ADAM22: variants seen among roughly 807,000 people sequenced by gnomAD.
ADAM22 encodes ADAM metallopeptidase domain 22.
In ADAM22, 65 loss-of-function variants were observed where a neutral mutation model predicts 144.6. That is an observed-to-expected ratio of 0.45 (90% CI 0.37 to 0.55). The LOEUF (loss-of-function observed/expected upper bound fraction) is 0.55. Ranked by LOEUF, ADAM22 falls within the 20% of genes least tolerant of loss-of-function variation. The pLI is 0.00. For synonymous variants in ADAM22, 391 were observed against 412.6 expected, an observed-to-expected ratio of 0.95 and a Z score of 0.63; for missense variants, 974 against 1,184.9, an observed-to-expected ratio of 0.82 and a Z score of 2.61.
intron 4 of ADAM22, among the ~76,000 whole-genome samples, chr7:88,095,801 G>C (rs899606193): frequency 7.2e-5 from 11 of 151,994 alleles, no homozygotes; most frequent in Non-Finnish European, 1.3e-4. Context: ...ATCTTTTCAT[G>C]GTTTTAAAAT....
intron 4 of ADAM22, among the ~76,000 whole-genome samples, chr7:88,092,292 CT>C (rs2129485094): frequency 6.6e-6 from 1 of 152,262 alleles, no homozygotes; most frequent in East Asian, 1.9e-4. Flanking sequence ...CCCCCTACCT[CT>C]TTTACCCTCC....
At chr7:88,137,246 T>C (rs935976238) in intron 14 of ADAM22, among the ~76,000 whole-genome samples, 1 of 152,248 alleles carries the variant, frequency 6.6e-6, no homozygotes, top group Non-Finnish European at 1.5e-5. Flanking sequence ...CCTGTTAATA[T>C]ACAATTCTTG....
intron 2 of ADAM22, among the ~76,000 whole-genome samples, chr7:87,955,656 C>T (rs541440567): frequency 1.3e-5 from 2 of 152,218 alleles, no homozygotes; most frequent in Admixed American, 6.5e-5. Flanking sequence ...CTGCTCTCCT[C>T]AAAGTTGTCA....
chr7:88,050,715 T>A (rs962399411), intron 3 of ADAM22, among the ~76,000 whole-genome samples: 5 of 152,192 alleles, frequency 3.3e-5, no homozygotes, highest in African/African-American at 9.7e-5. Context: ...TGTTTGTTTT[T>A]TTCTTGTAAA....
rs935422718 is a variant in ADAM22 at position 88,156,119 on chromosome 7, T to C, written c.1907+113T>C. On this transcript the variant is annotated intron_variant, in intron 22 of 31. Coordinates refer to ENST00000413139, the MANE Select transcript of ADAM22 (RefSeq NM_001324418.2). ...CATGTTAGTAGGTCGAAATATAATCTAGTCTATAGAGACGATTGAGTAAAT... is the reference window on the plus strand; with the variant it reads ...CATGTTAGTAGGTCGAAATATAATCCAGTCTATAGAGACGATTGAGTAAAT... The C allele has an allele frequency of 4.5e-5, 52 of 1,150,072 alleles. No individual in the cohort carries two copies. In the African/African-American group the frequency reaches 6.4e-4, roughly 14 times the overall value. 71.2% of individuals were successfully genotyped at this position (1,150,072 alleles called of 1,614,324 possible).
At chr7:88,077,945 A>G (rs899090471) in intron 4 of ADAM22, among the ~76,000 whole-genome samples, 3 of 152,326 alleles carry the variant, frequency 2.0e-5, no homozygotes, top group East Asian at 3.9e-4. Flanking sequence ...AAAGACAGCA[A>G]TAACCTCTGC....
intron 5 of ADAM22, among the ~76,000 whole-genome samples, chr7:88,113,154 G>T (rs900173291): frequency 7.9e-6 from 1 of 126,020 alleles, no homozygotes. Context: ...TTGAGACAGG[G>T]TCTCACTCCA....
At chr7:88,133,362 CTAAATAAATAAATAAA>C (rs3085472) in intron 12 of ADAM22, among the ~76,000 whole-genome samples, 1,896 of 142,194 alleles carry the variant, frequency 0.013, 48 homozygotes, top group African/African-American at 0.046. Flanking sequence ...GACCCTGTCT[CTAAATAAATAAATAAA>C]TAAATAAATA....
At chr7:87,976,547 A>G (rs576005676) in intron 2 of ADAM22, among the ~76,000 whole-genome samples, 40 of 152,280 alleles carry the variant, frequency 2.6e-4, no homozygotes, top group African/African-American at 8.9e-4. Flanking sequence ...ATAAATTTCT[A>G]TTTAGGCCAC....
chr7:88,177,685 T>C (rs1367297446), intron 26 of ADAM22, among the ~76,000 whole-genome samples: 1 of 152,000 alleles, frequency 6.6e-6, no homozygotes, highest in Non-Finnish European at 1.5e-5. Flanking sequence ...AATATGAGAG[T>C]ATTCAATCAT....
At chr7:88,044,508 G>A (rs1204005129) in intron 3 of ADAM22, among the ~76,000 whole-genome samples, 22 of 152,228 alleles carry the variant, frequency 1.4e-4, no homozygotes, top group Admixed American at 7.2e-4. Flanking sequence ...GTGCAGTGGC[G>A]CGGTCTCGGC....
In ADAM22 at chr7:87,935,175, G is replaced by T. The variant is rs1178954785; in HGVS notation, c.235G>T (p.Gly79Cys). 1.2e-6 allele frequency: 2 copies of T among 1,606,714 alleles called. No individual in the cohort carries two copies. Among genetic ancestry groups the T allele is most frequent in the South Asian group, 1.1e-5 (1 of 90,382 alleles). The change falls in exon 2 of 32, where the codon GGT (glycine) becomes TGT (cysteine). Residue 79 changes from glycine (G) to cysteine (C), a missense_variant. Coordinates refer to ENST00000413139, the MANE Select transcript of ADAM22 (RefSeq NM_001324418.2). ...CGACACGCGGGTGCGGGGCGACCTCGGTGGCCCGCAGGTGAGAGGCTCGGT... is the reference window on the plus strand; with the variant it reads ...CGACACGCGGGTGCGGGGCGACCTCTGTGGCCCGCAGGTGAGAGGCTCGGT... ...ALDTRVRGDL[G>C]GPQLTHVDQA...
chr7:88,040,595 G>GT (rs61245626), intron 3 of ADAM22, among the ~76,000 whole-genome samples: 57 of 150,486 alleles, frequency 3.8e-4, no homozygotes, highest in African/African-American at 8.8e-4. Flanking sequence ...ATTTTATTTA[G>GT]TTTTTTTTTT....
chr7:88,077,404 C>T (rs1009476653), intron 4 of ADAM22, among the ~76,000 whole-genome samples: 1 of 152,206 alleles, frequency 6.6e-6, no homozygotes, highest in Non-Finnish European at 1.5e-5. Context: ...CAGTCTACAG[C>T]TCCCAGCGTG....
intron 3 of ADAM22, among the ~76,000 whole-genome samples, chr7:87,980,825 G>C (rs1853209631): frequency 6.6e-6 from 1 of 152,132 alleles, no homozygotes. Context: ...GTGGGGAGCA[G>C]TTTTTCTTCA....
At chr7:88,016,872 CTTTGGGAAGCTGAGGCAGGAGTATTG>C (rs973232773) in intron 3 of ADAM22, among the ~76,000 whole-genome samples, 6 of 152,176 alleles carry the variant, frequency 3.9e-5, no homozygotes, top group African/African-American at 1.4e-4. Flanking sequence ...AATCCCAACA[CTTTGGGAAGCTGAGGCAGGAGTATTG>C]TTTGAAGCCA....
intron 3 of ADAM22, among the ~76,000 whole-genome samples, chr7:88,041,872 A>G (rs142674507): frequency 6.6e-6 from 1 of 152,204 alleles, no homozygotes; most frequent in African/African-American, 2.4e-5. Context: ...CACATTTTGA[A>G]ATGCAATTTT....
intron 3 of ADAM22, among the ~76,000 whole-genome samples, chr7:87,997,635 C>G (rs1208920493): frequency 6.6e-6 from 1 of 152,232 alleles, no homozygotes; most frequent in Non-Finnish European, 1.5e-5. Context: ...TGCCTGCATT[C>G]CCTGGGTGGT....
chr7:88,193,175 A>G lies in ADAM22; in HGVS notation c.2810A>G (p.Lys937Arg). The G allele has an allele frequency of 6.2e-7, 1 of 1,614,104 alleles. No individual in the cohort carries two copies. The highest frequency in any genetic ancestry group is 8.5e-7 in the Non-Finnish European group (1 of 1,179,972). Residue 937 changes from lysine to arginine, a missense_variant, in exon 31 of 32, where the codon AAA (lysine) becomes AGA (arginine). By Grantham distance (26) the Lys-to-Arg change is conservative. Transcript: ENST00000413139. ...SSTGSIASSR[K>R]YPYPMPPLPD... is the part of the protein sequence containing the mutation. ...ACTGGGTCTATTGCCTCCAGCAGAA[A>G]ATACCCTTACCCAATGCCTCCACTT...
Sources: gnomAD v4.1 joint callset for allele counts (sites outside exome capture counted in the v4.1 genomes callset) on GRCh38, gnomAD v4.1.1 for gene constraint, MANE v1.5 for transcripts, NCBI Gene and HGNC (gene_info 2026-07-23, HGNC 2026-07-21) for gene names.